The following TLK1 variants were observed in gnomAD, a reference collection of about 807,000 sequenced individuals.
The protein encoded by TLK1 is serine/threonine-protein kinase tousled-like 1.
A neutral mutation model predicts 105.3 loss-of-function variants in TLK1; 24 were observed. The ratio of observed to expected loss-of-function variants is 0.23; its 90% confidence interval spans 0.17 to 0.32. The LOEUF is 0.32. TLK1 is among the 10% of genes least tolerant of loss of function. TLK1 has a pLI of 1.00. For missense variants in TLK1, 558 were observed against 910.5 expected, an observed-to-expected ratio of 0.61 and a Z score of 4.98; for synonymous variants, 321 against 310.4, an observed-to-expected ratio of 1.03 and a Z score of -0.36.
rs186083211 is a variant in TLK1 at position 171,216,725 on chromosome 2, G to C, written c.-6+14420C>G. Among the ~76,000 whole-genome samples the C allele has an allele frequency of 3.9e-5, 6 of 152,188 alleles. No individual in the cohort carries two copies. In the East Asian group the frequency reaches 1.2e-3, roughly 29 times the overall value. ...ATGAGCTCATACTGGAGTACTGTGG[G>C]CCCCCAATCCAATATAACTGATGTT... On this transcript the variant is annotated intron_variant, in intron 1 of 20. Transcript: ENST00000521943.
intron 7 of TLK1, 70 bp downstream of exon 7, chr2:171,055,013 C>CT (rs1687427812): frequency 1.2e-6 from 1 of 840,326 alleles, no homozygotes; most frequent in Non-Finnish European, 1.7e-6. Context: ...AAACAGACAT[C>CT]TTAGTTGTTA....
At chr2:171,170,681 G>A (rs760464321) in intron 1 of TLK1, among the ~76,000 whole-genome samples, 10 of 152,190 alleles carry the variant, frequency 6.6e-5, no homozygotes, top group East Asian at 1.9e-4. Flanking sequence ...TGCAGGGAGC[G>A]TAGCTGCCCC....
At chr2:171,121,817 G>C (rs1283773391) in intron 1 of TLK1, among the ~76,000 whole-genome samples, 1 of 152,134 alleles carries the variant, frequency 6.6e-6, no homozygotes, top group Non-Finnish European at 1.5e-5. Flanking sequence ...CAGATATATA[G>C]CTTCCTCTAG....
At chr2:171,096,630 C>T (rs1349089744) in intron 2 of TLK1, among the ~76,000 whole-genome samples, 6 of 151,680 alleles carry the variant, frequency 4.0e-5, no homozygotes, top group Non-Finnish European at 5.9e-5. Context: ...TGGTGGCAGG[C>T]GCCTATAGTC....
At chr2:171,154,181 C>T (rs1158586943) in intron 1 of TLK1, among the ~76,000 whole-genome samples, 2 of 152,012 alleles carry the variant, frequency 1.3e-5, no homozygotes, top group Non-Finnish European at 2.9e-5. Flanking sequence ...GACATAGCAC[C>T]TCGCCTGATG....
At chr2:171,057,683 T>C (rs955565046) in intron 5 of TLK1, among the ~76,000 whole-genome samples, 1 of 152,098 alleles carries the variant, frequency 6.6e-6, no homozygotes, top group African/African-American at 2.4e-5. Context: ...CACTTGATAG[T>C]AGAAAGAATT....
intron 2 of TLK1, among the ~76,000 whole-genome samples, chr2:171,105,225 A>G (rs2105510952): frequency 6.6e-6 from 1 of 152,332 alleles, no homozygotes; most frequent in Non-Finnish European, 1.5e-5. Flanking sequence ...ACCTGCAAGA[A>G]AGTGATTTGT....
At chr2:171,207,650 G>A (rs577380492) in intron 1 of TLK1, among the ~76,000 whole-genome samples, 19 of 152,216 alleles carry the variant, frequency 1.2e-4, no homozygotes, top group South Asian at 8.3e-4. Flanking sequence ...TATACTTTCT[G>A]TTTGATTTTG....
chr2:171,219,632 G>A (rs1012728374), intron 1 of TLK1, among the ~76,000 whole-genome samples: 1 of 149,028 alleles, frequency 6.7e-6, no homozygotes, highest in Non-Finnish European at 1.5e-5. Context: ...ACAGGGTCTT[G>A]CTTTATCACC....
At chr2:171,077,971 C>T (rs1257994792) in intron 3 of TLK1, among the ~76,000 whole-genome samples, 2 of 152,114 alleles carry the variant, frequency 1.3e-5, no homozygotes, top group African/African-American at 2.4e-5. Flanking sequence ...CCTAGAAATC[C>T]TCAAACCATA....
chr2:171,150,892 G>C (rs997044730), intron 1 of TLK1, among the ~76,000 whole-genome samples: 3 of 152,154 alleles, frequency 2.0e-5, no homozygotes, highest in Non-Finnish European at 4.4e-5. Context: ...ACCTAAAGAA[G>C]AGTAGTTAAC....
intron 1 of TLK1, among the ~76,000 whole-genome samples, chr2:171,139,557 G>A (rs1691481009): frequency 6.6e-6 from 1 of 152,058 alleles, no homozygotes; most frequent in African/African-American, 2.4e-5. Context: ...TCCCACCACT[G>A]CACTCCAGCC....
chr2:171,202,015 A>G (rs1693409376), intron 1 of TLK1, among the ~76,000 whole-genome samples: 1 of 152,220 alleles, frequency 6.6e-6, no homozygotes, highest in South Asian at 2.1e-4. Flanking sequence ...GGGCTCATGT[A>G]GAAACGAGTT....
chr2:171,127,202 G>A (rs150186760), intron 1 of TLK1, among the ~76,000 whole-genome samples: 1,641 of 151,116 alleles, frequency 0.011, 34 homozygotes, highest in African/African-American at 0.038. Flanking sequence ...ACTTGAACCC[G>A]GGAGGCGGAG....
At chr2:171,091,562 C>T (rs373404365) in intron 2 of TLK1, 18 of 152,274 alleles carry the variant, frequency 1.2e-4, no homozygotes, top group African/African-American at 4.1e-4. Flanking sequence ...TGCCCAGCAA[C>T]TAGAGAAATT....
intron 1 of TLK1, among the ~76,000 whole-genome samples, chr2:171,212,500 A>C (rs1241168621): frequency 2.0e-5 from 3 of 152,174 alleles, no homozygotes; most frequent in Non-Finnish European, 4.4e-5. Context: ...ACATCATTTT[A>C]GACGTCCTTT....
rs1683759065 is a variant in TLK1 at position 170,990,977 on chromosome 2, GT to G, written c.*2802del. 6.6e-6 allele frequency: 1 copy of G among 150,876 alleles called. No individual in the cohort carries two copies. The highest frequency in any genetic ancestry group is 6.6e-5 in the Admixed American group (1 of 15,110). 9.3% of individuals were successfully genotyped at this position (150,876 alleles called of 1,614,324 possible). On this transcript the variant is annotated 3_prime_UTR_variant, in exon 21 of 21. Coordinates refer to ENST00000431350, the MANE Select transcript of TLK1 (RefSeq NM_012290.5). ...ATATGCCATTTAAACTGACAGAGTT[GT>G]TTTAGAAGGAGATGGTAGTGAGTGT... is the stretch of plus-strand genomic sequence containing the variant.
intron 1 of TLK1, among the ~76,000 whole-genome samples, chr2:171,191,394 C>A (rs545883801): frequency 1.3e-5 from 2 of 150,656 alleles, no homozygotes; most frequent in East Asian, 3.9e-4. Context: ...CATGGTGAGA[C>A]CCACCACCCC....
chr2:171,076,626 G>A (rs1486291065), intron 3 of TLK1, among the ~76,000 whole-genome samples: 3 of 151,794 alleles, frequency 2.0e-5, no homozygotes, highest in East Asian at 1.9e-4. Flanking sequence ...TGAGCAGGAC[G>A]TGGTGGCTCA....
Sources: gnomAD v4.1 joint callset for allele counts (sites outside exome capture counted in the v4.1 genomes callset) on GRCh38, gnomAD v4.1.1 for gene constraint, MANE v1.5 for transcripts, NCBI Gene and HGNC (gene_info 2026-07-23, HGNC 2026-07-21) for gene names.